Variants in CHRM5 observed in about 807,000 individuals in gnomAD.
CHRM5 encodes muscarinic acetylcholine receptor M5.
In CHRM5, 18 loss-of-function variants were observed where a neutral mutation model predicts 39.0. The observed-to-expected ratio is 0.46, with a 90% CI of 0.32 to 0.68. CHRM5 has a LOEUF of 0.68. CHRM5 is among the 30% of genes least tolerant of loss of function. CHRM5 has a pLI of 0.04. For missense variants in CHRM5, 515 were observed against 651.1 expected (o/e 0.79, Z 2.28); for synonymous variants, 241 against 246.3 (o/e 0.98, Z 0.20).
chr15:33,986,727 G>A (rs1392743223), intron 1 of CHRM5, among the ~76,000 whole-genome samples: 1 of 151,698 alleles, frequency 6.6e-6, no homozygotes, highest in Non-Finnish European at 1.5e-5. Context: ...CGCAATCTTG[G>A]CTCACTGCAA....
intron 1 of CHRM5, among the ~76,000 whole-genome samples, chr15:33,997,572 C>T (rs1200272288): frequency 1.3e-5 from 2 of 152,202 alleles, no homozygotes; most frequent in Non-Finnish European, 2.9e-5. Flanking sequence ...TTCTAATCTA[C>T]AGCCACCACT....
At chr15:33,976,557 A>T (rs995647973) in intron 1 of CHRM5, among the ~76,000 whole-genome samples, 3 of 152,170 alleles carry the variant, frequency 2.0e-5, no homozygotes, top group South Asian at 2.1e-4. Context: ...TAGACAACAC[A>T]CTTTTATTCT....
At position 34,047,075 on chromosome 15, in the gene CHRM5, T is replaced by G. The variant is rs1360904761; in HGVS notation, c.-76+204T>G. On this transcript the variant is annotated intron_variant, in intron 2 of 2. Transcript: ENST00000383263. ...TTTTTGTTTTGGTTTTTTTGTTGGT[T>G]TTTTTTTTTTTCTTTTTTTGGAGAC... Among the ~76,000 whole-genome samples, 8 of 32,676 alleles carry G rather than the reference T, an allele frequency of 2.4e-4. No homozygotes were observed. The Non-Finnish European group carries it at 3.1e-3, about 13-fold the overall frequency. The allele number at this position is 32,676 out of a possible 152,430, so 21.4% of individuals were successfully genotyped here. A position where few individuals can be genotyped will look rare whatever the true frequency, so the allele number is the denominator to read the frequency against.
At chr15:34,025,757 CGT>C (rs150188349) in intron 1 of CHRM5, among the ~76,000 whole-genome samples, 4 of 132,986 alleles carry the variant, frequency 3.0e-5, no homozygotes, top group Admixed American at 7.5e-5. Flanking sequence ...TTTGGTTTTG[CGT>C]GTGTGTGTGT....
At chr15:33,996,435 G>A (rs1383292449) in intron 1 of CHRM5, among the ~76,000 whole-genome samples, 6 of 152,182 alleles carry the variant, frequency 3.9e-5, no homozygotes, top group Non-Finnish European at 7.3e-5. Flanking sequence ...AGTAGGGGCC[G>A]ACTGACACCT....
intron 1 of CHRM5, among the ~76,000 whole-genome samples, chr15:34,027,587 G>A (rs918302545): frequency 6.6e-6 from 1 of 150,644 alleles, no homozygotes; most frequent in African/African-American, 2.4e-5. Flanking sequence ...GTGAAAACCA[G>A]CATCCTTGGA....
At chr15:34,050,013 G>A (rs140860156) in intron 2 of CHRM5, among the ~76,000 whole-genome samples, 1,533 of 150,678 alleles carry the variant, frequency 0.01, 7 homozygotes, top group East Asian at 0.026. Context: ...TCAGCCTCCC[G>A]AGTAGCTGGG....
chr15:33,981,131 G>A (rs1440764089), intron 1 of CHRM5, among the ~76,000 whole-genome samples: 1 of 152,102 alleles, frequency 6.6e-6, no homozygotes, highest in East Asian at 1.9e-4. Flanking sequence ...TCTCAAAATT[G>A]TGGAGAGAAA....
chr15:34,036,501 CAAG>C (rs1308985986), intron 1 of CHRM5, among the ~76,000 whole-genome samples: 1 of 151,952 alleles, frequency 6.6e-6, no homozygotes, highest in Non-Finnish European at 1.5e-5. Flanking sequence ...GATATGAGAA[CAAG>C]AAGGCTTCAG....
chr15:34,022,615 T>C (rs1285692909), intron 1 of CHRM5, among the ~76,000 whole-genome samples: 1 of 152,214 alleles, frequency 6.6e-6, no homozygotes, highest in Non-Finnish European at 1.5e-5. Flanking sequence ...TGCATGCTGG[T>C]AAAATTCCCT....
chr15:33,973,678 T>C (rs1171789591), intron 1 of CHRM5, among the ~76,000 whole-genome samples: 1 of 152,086 alleles, frequency 6.6e-6, no homozygotes, highest in Non-Finnish European at 1.5e-5. Flanking sequence ...TCCATCTCTA[T>C]AAAAAAATCT....
At chr15:34,023,610 T>C (rs998580054) in intron 1 of CHRM5, among the ~76,000 whole-genome samples, 1 of 152,130 alleles carries the variant, frequency 6.6e-6, no homozygotes, top group Non-Finnish European at 1.5e-5. Context: ...TAACAAAAGA[T>C]GGAAGAAAAT....
intron 2 of CHRM5, among the ~76,000 whole-genome samples, chr15:34,053,527 C>T (rs1900022571): frequency 6.6e-6 from 1 of 151,646 alleles, no homozygotes; most frequent in Admixed American, 6.6e-5. Context: ...TAAAACTACA[C>T]ATCTACAAAC....
intron 1 of CHRM5, among the ~76,000 whole-genome samples, chr15:33,989,037 C>T (rs1041186226): frequency 7.5e-6 from 1 of 133,974 alleles, no homozygotes; most frequent in Non-Finnish European, 1.6e-5. Context: ...GCTTAGCATC[C>T]TAAACCTTTC....
chr15:34,062,554 CAAAAA>C (rs10632153), intron 2 of CHRM5, 84 bp from the exon 3 acceptor site: 52 of 411,300 alleles, frequency 1.3e-4, no homozygotes, highest in Admixed American at 2.2e-4. Context: ...GATTCTGTCT[CAAAAA>C]AAAAAAAAAA....
At chr15:34,060,575 G>C (rs1597394288) in intron 2 of CHRM5, among the ~76,000 whole-genome samples, 1 of 152,132 alleles carries the variant, frequency 6.6e-6, no homozygotes, top group Non-Finnish European at 1.5e-5. Flanking sequence ...GGTATTTTAA[G>C]GGTCATCAAA....
intron 1 of CHRM5, among the ~76,000 whole-genome samples, chr15:34,002,328 T>G (rs558120545): frequency 6.1e-5 from 8 of 131,882 alleles, no homozygotes; most frequent in African/African-American, 2.3e-4. Context: ...CCTCCCACCC[T>G]CCCATCCCCA....
chr15:33,999,860 T>C lies in CHRM5; in HGVS notation c.-408+30710T>C, dbSNP rs539180053. On this transcript the variant is annotated intron_variant, in intron 1 of 2. Transcript: ENST00000383263. ...TGATCCTGTTAACACAGGAGTGTTA[T>C]ATCACTCTTCTCTTCAAACCCTCCG... Among the ~76,000 whole-genome samples, 23 of 152,344 alleles carry C rather than the reference T, an allele frequency of 1.5e-4. No homozygotes were observed. In the South Asian group the frequency reaches 4.8e-3, roughly 32 times the overall value.
chr15:34,046,042 T>C (rs1899669196), intron 1 of CHRM5, among the ~76,000 whole-genome samples: 1 of 152,172 alleles, frequency 6.6e-6, no homozygotes, highest in Non-Finnish European at 1.5e-5. Flanking sequence ...CTGTTAAAGT[T>C]TGAGTAATCA....
Sources: allele counts gnomAD v4.1 joint callset (sites outside exome capture counted in the v4.1 genomes callset), GRCh38; gene constraint gnomAD v4.1.1; transcripts MANE v1.5; gene names NCBI Gene and HGNC (gene_info 2026-07-23, HGNC 2026-07-21).